NLGN1: variants seen among roughly 807,000 people sequenced by gnomAD.
The protein encoded by NLGN1 is neuroligin 1.
In NLGN1, 12 loss-of-function variants were observed where a neutral mutation model predicts 65.5. The observed-to-expected ratio is 0.18, with a 90% CI of 0.12 to 0.30. The LOEUF is 0.30. Ranked by LOEUF, NLGN1 falls within the 10% of genes least tolerant of loss-of-function variation. The pLI, the probability that NLGN1 is intolerant of heterozygous loss-of-function variation, is 1.00. For missense variants in NLGN1, 750 were observed against 1,007.1 expected, an observed-to-expected ratio of 0.74 and a Z score of 3.46; for synonymous variants, 350 against 359.5, an observed-to-expected ratio of 0.97 and a Z score of 0.30.
At chr3:173,439,664 A>C (rs1207182624) in intron 2 of NLGN1, among the ~76,000 whole-genome samples, 11 of 152,238 alleles carry the variant, frequency 7.2e-5, no homozygotes, top group Non-Finnish European at 1.5e-5. Context: ...TATAAAAGTT[A>C]TGTTTACACT....
At position 174,158,274 on chromosome 3, in the gene NLGN1, A is replaced by G. The variant is rs145718332; in HGVS notation, c.647-117041A>G. Among the ~76,000 whole-genome samples, 17 of 151,912 alleles carry G rather than the reference A, an allele frequency of 1.1e-4. No individual in the cohort carries two copies. In the East Asian group the frequency reaches 3.1e-3, roughly 28 times the overall value. On this transcript the variant is annotated intron_variant, in intron 4 of 6. Coordinates refer to ENST00000457714, the Ensembl canonical transcript of NLGN1. Reference sequence around the variant, plus strand: ...GAAAATTTGTGTTCAAAGACTTTGTAAAGTAATACATTTAATATAGAATTT... The same window carrying G: ...GAAAATTTGTGTTCAAAGACTTTGTGAAGTAATACATTTAATATAGAATTT...
chr3:174,256,500 A>G (rs1376972482), intron 4 of NLGN1, among the ~76,000 whole-genome samples: 1 of 152,070 alleles, frequency 6.6e-6, no homozygotes, highest in African/African-American at 2.4e-5. Context: ...TTTAGCTAGG[A>G]TGAATTATAG....
intron 4 of NLGN1, among the ~76,000 whole-genome samples, chr3:174,076,795 GT>G (rs1342295444): frequency 6.6e-6 from 1 of 151,316 alleles, no homozygotes; most frequent in Non-Finnish European, 1.5e-5. Context: ...ACATATGTGT[GT>G]TTCTAAAACC....
At chr3:173,498,847 A>G (rs377277336) in intron 2 of NLGN1, among the ~76,000 whole-genome samples, 3 of 151,782 alleles carry the variant, frequency 2.0e-5, no homozygotes, top group Non-Finnish European at 2.9e-5. Context: ...CTGCATAAAT[A>G]TCTTCTTTTG....
intron 4 of NLGN1, among the ~76,000 whole-genome samples, chr3:174,078,442 C>T (rs1330561962): frequency 6.6e-6 from 1 of 152,094 alleles, no homozygotes; most frequent in African/African-American, 2.4e-5. Flanking sequence ...TCTGAAGTGT[C>T]TTGCAACTCT....
chr3:173,857,704 C>T (rs150397392), intron 4 of NLGN1, among the ~76,000 whole-genome samples: 1,753 of 151,654 alleles, frequency 0.012, 18 homozygotes, highest in Non-Finnish European at 0.017. Flanking sequence ...CAGGGTGTTA[C>T]TCTTTCCTTA....
At chr3:173,721,235 G>C (rs1407787973) in intron 3 of NLGN1, among the ~76,000 whole-genome samples, 1 of 152,208 alleles carries the variant, frequency 6.6e-6, no homozygotes, top group African/African-American at 2.4e-5. Flanking sequence ...CCAGTCACCA[G>C]GTGAAAATGA....
At chr3:173,741,773 G>A (rs961855381) in intron 3 of NLGN1, among the ~76,000 whole-genome samples, 3 of 152,092 alleles carry the variant, frequency 2.0e-5, no homozygotes, top group Non-Finnish European at 4.4e-5. Flanking sequence ...GATTACAGGC[G>A]TGAGCCACTG....
chr3:173,873,983 A>C (rs536354158), intron 4 of NLGN1, among the ~76,000 whole-genome samples: 3 of 152,322 alleles, frequency 2.0e-5, no homozygotes, highest in Admixed American at 2.0e-4. Flanking sequence ...GACAACACAC[A>C]GACCAAGGGG....
chr3:174,077,693 C>G (rs966518083), intron 4 of NLGN1, among the ~76,000 whole-genome samples: 3 of 152,028 alleles, frequency 2.0e-5, no homozygotes, highest in Non-Finnish European at 4.4e-5. Context: ...GTAGCTGAGA[C>G]TACAGGCATG....
chr3:173,648,668 G>A (rs1758661412), intron 3 of NLGN1, among the ~76,000 whole-genome samples: 1 of 151,924 alleles, frequency 6.6e-6, no homozygotes, highest in South Asian at 2.1e-4. Context: ...TCTGCCTCCT[G>A]GATTCAAGCC....
chr3:173,703,560 A>C (rs745631004), intron 3 of NLGN1, among the ~76,000 whole-genome samples: 104 of 152,216 alleles, frequency 6.8e-4, no homozygotes, highest in Admixed American at 6.7e-3. Flanking sequence ...TAAATATTAC[A>C]GTTGGCAAAA....
At chr3:174,109,044 T>C (rs1053936312) in intron 4 of NLGN1, among the ~76,000 whole-genome samples, 1 of 152,092 alleles carries the variant, frequency 6.6e-6, no homozygotes, top group Non-Finnish European at 1.5e-5. Flanking sequence ...TTTAAAGAAC[T>C]ATTTGAAAAG....
intron 3 of NLGN1, among the ~76,000 whole-genome samples, chr3:173,692,355 A>G (rs1025018392): frequency 6.6e-6 from 1 of 152,108 alleles, no homozygotes; most frequent in Non-Finnish European, 1.5e-5. Flanking sequence ...AGAAGTTTTT[A>G]TTCAATTAAA....
chr3:173,792,156 G>A (rs1245286300), intron 3 of NLGN1, among the ~76,000 whole-genome samples: 2 of 152,090 alleles, frequency 1.3e-5, no homozygotes, highest in Non-Finnish European at 2.9e-5. Flanking sequence ...AAGATGTTTA[G>A]CAAGGAGAGG....
intron 3 of NLGN1, among the ~76,000 whole-genome samples, chr3:173,754,330 C>G (rs1439320498): frequency 6.6e-6 from 1 of 152,108 alleles, no homozygotes; most frequent in African/African-American, 2.4e-5. Context: ...AGATGAGCCA[C>G]TGTGCCTGGA....
intron 3 of NLGN1, among the ~76,000 whole-genome samples, chr3:173,710,208 A>G (rs1768737633): frequency 6.6e-6 from 1 of 152,176 alleles, no homozygotes; most frequent in Non-Finnish European, 1.5e-5. Flanking sequence ...ATGATATTAG[A>G]CTTATATACA....
At chr3:174,097,500 A>G (rs1745756579) in intron 4 of NLGN1, among the ~76,000 whole-genome samples, 1 of 152,192 alleles carries the variant, frequency 6.6e-6, no homozygotes, top group South Asian at 2.1e-4. Flanking sequence ...TTATGTTTTA[A>G]TATAATGTAC....
intron 4 of NLGN1, among the ~76,000 whole-genome samples, chr3:173,995,161 C>G (rs185640164): frequency 1.3e-5 from 2 of 152,250 alleles, no homozygotes; most frequent in Admixed American, 6.5e-5. Flanking sequence ...AGCCAAGAAA[C>G]GTTTTATCCA....
Sources: allele counts gnomAD v4.1 joint callset (sites outside exome capture counted in the v4.1 genomes callset), GRCh38; gene constraint gnomAD v4.1.1; transcripts MANE v1.5; gene names NCBI Gene and HGNC (gene_info 2026-07-23, HGNC 2026-07-21).